Variants in ARHGEF10L observed in about 807,000 individuals in gnomAD.
The protein encoded by ARHGEF10L is Rho guanine nucleotide exchange factor 10 like, also known as rho guanine nucleotide exchange factor 10-like protein.
In ARHGEF10L, 69 loss-of-function variants were observed where a neutral mutation model predicts 141.2. That is an observed-to-expected ratio of 0.49 (90% confidence interval 0.40 to 0.60). The LOEUF (loss-of-function observed/expected upper bound fraction) is 0.60. Ranked by LOEUF, ARHGEF10L falls within the 20% of genes least tolerant of loss-of-function variation. The pLI, the probability that ARHGEF10L is intolerant of heterozygous loss-of-function variation, is 0.00. For missense variants in ARHGEF10L, 1,482 were observed against 1,734.3 expected (o/e 0.85, Z 2.58); for synonymous variants, 711 against 718.5 (o/e 0.99, Z 0.17).
chr1:17,635,070 C>A, intron 18 of ARHGEF10L, 54 bp downstream of exon 18: 1 of 1,601,606 alleles, frequency 6.2e-7, no homozygotes, highest in Non-Finnish European at 8.5e-7. Context: ...TCACCAGCCA[C>A]AGCCTGGGCT....
At chr1:17,624,306 C>A in intron 12 of ARHGEF10L, 81 bp from the exon 13 acceptor site, 1 of 1,135,190 alleles carries the variant, frequency 8.8e-7, no homozygotes, top group Non-Finnish European at 1.3e-6. Flanking sequence ...TTGAGGCGGC[C>A]TCCCTGGCCC....
At position 17,625,579 on chromosome 1, in the gene ARHGEF10L, C is replaced by A. The variant is rs1286589972; in HGVS notation, c.1318-377C>A. Among the ~76,000 whole-genome samples the A allele has an allele frequency of 2.0e-5, 3 of 152,228 alleles. No individual in the cohort carries two copies. The highest frequency in any genetic ancestry group is 4.8e-5 in the African/African-American group (2 of 41,528). ...GATGCAAGAGACAGGACAGAAGGTC[C>A]CCCTGTGCCCCGCCCCTTACCCTAG... On this transcript the variant is annotated intron_variant, in intron 13 of 28. Coordinates refer to ENST00000361221, the MANE Select transcript of ARHGEF10L (RefSeq NM_018125.4). The surrounding 1 kb of genome is among the most constrained non-coding windows in gnomAD (Gnocchi z 4.5).
chr1:17,562,721 TG>T (rs2100847261), intron 1 of ARHGEF10L, among the ~76,000 whole-genome samples: 1 of 152,358 alleles, frequency 6.6e-6, no homozygotes, highest in Non-Finnish European at 1.5e-5. Context: ...GGTTGTGAGC[TG>T]AGGCTGCCAT....
chr1:17,636,136 C>T (rs1426309526), intron 18 of ARHGEF10L, among the ~76,000 whole-genome samples: 1 of 152,170 alleles, frequency 6.6e-6, no homozygotes. Flanking sequence ...GCTTGGGGCA[C>T]AGGGTTCCTT....
At position 17,602,262 on chromosome 1, in the gene ARHGEF10L, T is replaced by A. The variant is rs1455954391; in HGVS notation, c.349+44T>A. The A allele has an allele frequency of 5.2e-6, 8 of 1,538,558 alleles. No homozygotes were observed. The South Asian group carries it at 9.5e-5, about 18-fold the overall frequency. On this transcript the variant is annotated intron_variant, in intron 5 of 28. Transcript: ENST00000361221. ...CCACCGCCCACCCCAGGTAGCAAGC[T>A]CCAGGATATTCTAGTCTTTCTAACC...
At chr1:17,569,918 C>G (rs1052630586) in intron 1 of ARHGEF10L, among the ~76,000 whole-genome samples, 5 of 152,262 alleles carry the variant, frequency 3.3e-5, no homozygotes, top group African/African-American at 1.2e-4. Flanking sequence ...CACTCCTCCC[C>G]TTCTGACCAT....
intron 6 of ARHGEF10L, chr1:17,604,915 C>T (rs1030220425): frequency 1.3e-5 from 2 of 152,292 alleles, no homozygotes; most frequent in Non-Finnish European, 2.9e-5. Flanking sequence ...TCCTCAGGGT[C>T]TGGGAGGATG....
intron 4 of ARHGEF10L, among the ~76,000 whole-genome samples, chr1:17,590,214 C>A (rs891049303): frequency 6.6e-6 from 1 of 152,110 alleles, no homozygotes; most frequent in South Asian, 2.1e-4. Context: ...TGCGCTGGTC[C>A]CTGATGAGAG....
intron 26 of ARHGEF10L, among the ~76,000 whole-genome samples, chr1:17,682,889 G>A (rs532116611): frequency 6.6e-6 from 1 of 152,182 alleles, no homozygotes; most frequent in Non-Finnish European, 1.5e-5. Flanking sequence ...GCCTGGGATT[G>A]GGGTGCTGGG....
At chr1:17,606,597 T>C (rs1281121651) in intron 6 of ARHGEF10L, among the ~76,000 whole-genome samples, 1 of 147,558 alleles carries the variant, frequency 6.8e-6, no homozygotes, top group Non-Finnish European at 1.5e-5. Flanking sequence ...ACCAGTCAGA[T>C]TCCTTTTTTT....
At chr1:17,515,182 C>T in the ARHGEF10L span, among the ~76,000 whole-genome samples, 7 of 152,056 alleles carry the variant, frequency 4.6e-5, no homozygotes, top group Admixed American at 1.3e-4. Flanking sequence ...CATTAGGCAA[C>T]GTCTGCAGAC....
intron 1 of ARHGEF10L, among the ~76,000 whole-genome samples, chr1:17,540,930 A>T (rs2076704748): frequency 6.6e-6 from 1 of 152,150 alleles, no homozygotes; most frequent in African/African-American, 2.4e-5. Flanking sequence ...GCATCCGCCC[A>T]GCACTGTGCC....
chr1:17,653,433 C>G (rs2062046946), intron 22 of ARHGEF10L, among the ~76,000 whole-genome samples: 2 of 152,198 alleles, frequency 1.3e-5, no homozygotes, highest in South Asian at 4.1e-4. Context: ...CAGCTGACAT[C>G]AGGGCCCACT....
intron 1 of ARHGEF10L, among the ~76,000 whole-genome samples, chr1:17,577,542 A>T (rs529510643): frequency 5.3e-5 from 8 of 152,292 alleles, no homozygotes; most frequent in Non-Finnish European, 8.8e-5. Flanking sequence ...CCTTGTCCAC[A>T]TCCTTCTGAG....
chr1:17,602,265 A>G (rs1174988632), intron 5 of ARHGEF10L, 47 bp downstream of exon 5: 1 of 1,536,302 alleles, frequency 6.5e-7, no homozygotes, highest in Non-Finnish European at 8.8e-7. Flanking sequence ...AGCAAGCTCC[A>G]GGATATTCTA....
chr1:17,597,389 G>C (rs1404460665), intron 4 of ARHGEF10L, among the ~76,000 whole-genome samples: 1 of 152,082 alleles, frequency 6.6e-6, no homozygotes, highest in Non-Finnish European at 1.5e-5. Context: ...AGGCTGCTCC[G>C]GGTGGGTACA....
chr1:17,555,422 G>A (rs1178454356), intron 1 of ARHGEF10L, among the ~76,000 whole-genome samples: 1 of 151,704 alleles, frequency 6.6e-6, no homozygotes, highest in Admixed American at 6.6e-5. Context: ...GAGTGTAATG[G>A]CATGATCTCA....
Position 17,625,083 on chromosome 1 carries a change from C to T in ARHGEF10L, c.1317+580C>T, listed in dbSNP as rs116778081. Among the ~76,000 whole-genome samples the T allele has an allele frequency of 0.023, 3,517 of 152,246 alleles. 145 individuals are homozygous for T. The highest frequency in any genetic ancestry group is 0.081 in the African/African-American group (3,349 of 41,518). On this transcript the variant is annotated intron_variant, in intron 13 of 28. Coordinates refer to ENST00000361221, the MANE Select transcript of ARHGEF10L (RefSeq NM_018125.4). This position sits in a 1 kb window ranked among gnomAD's most constrained non-coding sequence, Gnocchi z 4.5. ...GGTGCCAGGACACGCACACATGTGC[C>T]GGCAGCACAGGTTAGATGCCACGGC...
rs1557927671 is a variant in ARHGEF10L at position 17,648,618 on chromosome 1, G to GTGCCCGATCCTGGCCTGC, written c.2341_2358dup (p.Pro781_Cys786dup). 6.2e-7 allele frequency: 1 copy of GTGCCCGATCCTGGCCTGC among 1,613,478 alleles called. No individual in the cohort carries two copies. Among genetic ancestry groups the GTGCCCGATCCTGGCCTGC allele is most frequent in the African/African-American group, 1.3e-5 (1 of 75,020 alleles). On this transcript the variant is annotated inframe_insertion, in exon 22 of 29. Transcript: ENST00000361221. ...ACAAGAAGAGCAAAGCCCCATTCTG[G>GTGCCCGATCCTGGCCTGC]TGCCCGATCCTGGCCTGCTGCATCC...
Sources: allele counts gnomAD v4.1 joint callset (sites outside exome capture counted in the v4.1 genomes callset), GRCh38; gene constraint gnomAD v4.1.1; non-coding constraint Gnocchi (gnomAD v3.1); transcripts MANE v1.5; gene names NCBI Gene and HGNC (gene_info 2026-07-23, HGNC 2026-07-21).